The following SEMA5A variants were observed in gnomAD, a reference collection of about 807,000 sequenced individuals.
SEMA5A encodes the protein semaphorin 5A.
In SEMA5A, 55 loss-of-function variants were observed where a neutral mutation model predicts 135.5. The observed-to-expected ratio is 0.41, with a 90% CI of 0.33 to 0.51. The LOEUF is 0.51. SEMA5A is among the 20% of genes least tolerant of loss of function. The pLI, the probability that SEMA5A is intolerant of heterozygous loss-of-function variation, is 0.37. For synonymous variants in SEMA5A, 580 were observed against 546.5 expected, an observed-to-expected ratio of 1.06 and a Z score of -0.85; for missense variants, 1,290 against 1,419.9, an observed-to-expected ratio of 0.91 and a Z score of 1.47.
rs1735640985 is a variant in SEMA5A, at chr5:9,036,089, A to G, written c.*6808T>C. On this transcript the variant is annotated 3_prime_UTR_variant, in exon 23 of 23. Transcript: ENST00000382496. ...AAGTTACATCAAGCGGCATAGCACAAAAGTTTTGCTATGCACTTTTGAAGA... is the reference window on the plus strand; with the variant it reads ...AAGTTACATCAAGCGGCATAGCACAGAAGTTTTGCTATGCACTTTTGAAGA... 6.6e-6 allele frequency: 1 copy of G among 152,206 alleles called. No homozygotes were observed. The highest frequency in any genetic ancestry group is 1.5e-5 in the Non-Finnish European group (1 of 68,040). The allele number at this position is 152,206 out of a possible 1,614,324, so 9.4% of individuals were successfully genotyped here.
chr5:9,289,640 G>A (rs1339799772), intron 5 of SEMA5A, among the ~76,000 whole-genome samples: 1 of 151,928 alleles, frequency 6.6e-6, no homozygotes, highest in East Asian at 1.9e-4. Flanking sequence ...ATTCCAGCCT[G>A]GGTGACAGAG....
chr5:9,265,730 C>T (rs994171522), intron 5 of SEMA5A, among the ~76,000 whole-genome samples: 3 of 152,182 alleles, frequency 2.0e-5, no homozygotes, highest in Admixed American at 1.3e-4. Flanking sequence ...GTCCACTTAG[C>T]GTCTGTTTAG....
chr5:9,444,869 C>T (rs1758372286), intron 1 of SEMA5A, among the ~76,000 whole-genome samples: 1 of 152,192 alleles, frequency 6.6e-6, no homozygotes, highest in Admixed American at 6.5e-5. Context: ...GGCCTGAATA[C>T]AGAATCTGTG....
At chr5:9,307,572 T>A (rs1337191072) in intron 5 of SEMA5A, among the ~76,000 whole-genome samples, 1 of 152,130 alleles carries the variant, frequency 6.6e-6, no homozygotes, top group Non-Finnish European at 1.5e-5. Flanking sequence ...ACAGAACACA[T>A]TATCTCTTAC....
At chr5:9,173,843 G>C (rs779426264) in intron 11 of SEMA5A, among the ~76,000 whole-genome samples, 2 of 152,142 alleles carry the variant, frequency 1.3e-5, no homozygotes, top group African/African-American at 2.4e-5. Context: ...TGTAGGAACA[G>C]CATTGCCCCT....
intron 1 of SEMA5A, among the ~76,000 whole-genome samples, chr5:9,438,723 A>G (rs1043715077): frequency 6.6e-6 from 1 of 152,156 alleles, no homozygotes; most frequent in Admixed American, 6.5e-5. Context: ...TATAAATGTG[A>G]AACACCCTGA....
At chr5:9,088,314 AAAAAG>A (rs1554026611) in intron 16 of SEMA5A, among the ~76,000 whole-genome samples, 2 of 150,844 alleles carry the variant, frequency 1.3e-5, no homozygotes, top group Admixed American at 6.6e-5. Context: ...AAAAAAAAAA[AAAAAG>A]AAAAGAAAAG....
In SEMA5A at chr5:9,062,966, G is replaced by A. The variant is rs1254868724; in HGVS notation, c.2439C>T (p.Asn813=). 3 of 1,614,098 alleles carry A rather than the reference G, an allele frequency of 1.9e-6. No homozygotes were observed. The highest frequency in any genetic ancestry group is 1.7e-5 in the Admixed American group (1 of 60,006). The change falls in exon 18 of 23, where the codon AAC becomes AAT. Residue 813 remains asparagine (N), a synonymous_variant. Transcript: ENST00000382496. ...GCATTCCCCCATACTTGGGTTCGGG[G>A]TTGTTGCAAACACGCTTCCGGTTCC... ...GIRNRKRVCN[N]PEPKYGGMPC... is the part of the protein sequence containing the mutation.
At chr5:9,313,475 G>T (rs1752235864) in intron 5 of SEMA5A, among the ~76,000 whole-genome samples, 1 of 152,136 alleles carries the variant, frequency 6.6e-6, no homozygotes, top group African/African-American at 2.4e-5. Flanking sequence ...GTTTAAAAAG[G>T]TTAGGGAAGA....
rs1291091755 is a variant in SEMA5A, at chr5:9,262,911, A to T, written c.271-25021T>A. ...TAGATTATAATAAAAAAAAAAAATT[A>T]AAAAAAAAAAGAAAATATATTTCTT... On this transcript the variant is annotated intron_variant, in intron 5 of 22. Transcript: ENST00000382496. Among the ~76,000 whole-genome samples the T allele has an allele frequency of 7.3e-3, 893 of 122,260 alleles. 9 individuals carry two copies. Among genetic ancestry groups the T allele is most frequent in the African/African-American group, 0.025 (822 of 33,004 alleles). 80.2% of individuals were successfully genotyped at this position (122,260 alleles called of 152,430 possible).
At chr5:9,432,178 C>T (rs554886796) in intron 2 of SEMA5A, among the ~76,000 whole-genome samples, 10 of 152,300 alleles carry the variant, frequency 6.6e-5, no homozygotes, top group South Asian at 2.1e-4. Flanking sequence ...CAGCTCTGCA[C>T]GGGCCTTTCT....
Position 9,119,155 on chromosome 5 carries a change from A to G in SEMA5A, c.1782-14T>C, listed in dbSNP as rs1238767602. 4 of 1,612,200 alleles carry G rather than the reference A, an allele frequency of 2.5e-6. No homozygotes were observed. The East Asian group carries it at 8.9e-5, about 36-fold the overall frequency. On this transcript the variant is annotated splice_polypyrimidine_tract_variant and intron_variant, in intron 14 of 22. Transcript: ENST00000382496. ...CAGCCTCCGTTCCTGAGGGAAGGGA[A>G]GCAATGCAATCATTAGGTCCCGCAG...
intron 1 of SEMA5A, among the ~76,000 whole-genome samples, chr5:9,441,464 A>C (rs1447690213): frequency 6.6e-6 from 1 of 152,178 alleles, no homozygotes; most frequent in Non-Finnish European, 1.5e-5. Flanking sequence ...GAGTTAAAGC[A>C]TGAGTTCCTG....
At chr5:9,370,910 A>G (rs1410063364) in intron 3 of SEMA5A, among the ~76,000 whole-genome samples, 4 of 152,216 alleles carry the variant, frequency 2.6e-5, no homozygotes, top group Admixed American at 6.5e-5. Flanking sequence ...ATTTTTATCT[A>G]CCTTCAGTAT....
At chr5:9,224,228 A>G (rs984317176) in intron 8 of SEMA5A, among the ~76,000 whole-genome samples, 8 of 152,172 alleles carry the variant, frequency 5.3e-5, no homozygotes, top group Admixed American at 2.6e-4. Context: ...TACATTTTTA[A>G]TTGTCATACT....
chr5:9,502,999 T>C (rs1034642578), intron 1 of SEMA5A, among the ~76,000 whole-genome samples: 20 of 152,202 alleles, frequency 1.3e-4, no homozygotes, highest in African/African-American at 4.8e-4. Flanking sequence ...GTGAAGGCAT[T>C]TTCTTGATCA....
At position 9,477,357 on chromosome 5, in the gene SEMA5A, G is replaced by A. The variant is rs1368493906; in HGVS notation, c.-174-39505C>T. Among the ~76,000 whole-genome samples, 35 of 152,200 alleles carry A rather than the reference G, an allele frequency of 2.3e-4. 1 individual carries two copies. On this transcript the variant is annotated intron_variant, in intron 1 of 22. Transcript: ENST00000382496. ...TTGCTATAAATGTACCTAAAAATGT[G>A]GAAGCAACCTTTGAACTGCGTAATG...
At chr5:9,099,171 C>T (rs1739486585) in intron 16 of SEMA5A, among the ~76,000 whole-genome samples, 1 of 152,110 alleles carries the variant, frequency 6.6e-6, no homozygotes, top group Non-Finnish European at 1.5e-5. Flanking sequence ...CTGTGCCATA[C>T]ATCATTCTTA....
intron 11 of SEMA5A, among the ~76,000 whole-genome samples, chr5:9,172,273 C>A (rs973869141): frequency 2.0e-5 from 3 of 152,174 alleles, no homozygotes; most frequent in Non-Finnish European, 4.4e-5. Flanking sequence ...AATATGATTT[C>A]TAATTGAAGG....
Sources: gnomAD v4.1 joint callset for allele counts (sites outside exome capture counted in the v4.1 genomes callset) on GRCh38, gnomAD v4.1.1 for gene constraint, MANE v1.5 for transcripts, NCBI Gene and HGNC (gene_info 2026-07-23, HGNC 2026-07-21) for gene names.